The following CHCHD5 variants were observed in gnomAD, a reference collection of about 807,000 sequenced individuals.
CHCHD5 encodes the protein coiled-coil-helix-coiled-coil-helix domain-containing protein 5.
A neutral mutation model predicts 16.0 loss-of-function variants in CHCHD5; 10 were observed. The ratio of observed to expected loss-of-function variants is 0.63; its 90% CI spans 0.39 to 1.06. CHCHD5 has a LOEUF of 1.06. Ranked by LOEUF, CHCHD5 falls within the 50% of genes least tolerant of loss-of-function variation. The pLI is 0.01. For synonymous variants in CHCHD5, 55 were observed against 56.3 expected, an observed-to-expected ratio of 0.98 and a Z score of 0.10; for missense variants, 163 against 153.4, an observed-to-expected ratio of 1.06 and a Z score of -0.33.
intron 2 of CHCHD5, 31 bp from the exon 3 acceptor site, chr2:112,586,169 T>G (rs1292710347): frequency 1.2e-6 from 2 of 1,609,224 alleles, no homozygotes; most frequent in Middle Eastern, 1.7e-4. Context: ...GGTGGGAATC[T>G]CCCAGGGGCT....
chr2:112,586,977 G>A (rs1049832764), intron 3 of CHCHD5: 2 of 166,986 alleles, frequency 1.2e-5, no homozygotes, highest in African/African-American at 4.8e-5. Flanking sequence ...CTTGAGGAGA[G>A]GCAGTAACGG....
intron 3 of CHCHD5, chr2:112,586,821 A>C: frequency 4.4e-6 from 2 of 457,982 alleles, no homozygotes; most frequent in Non-Finnish European, 7.7e-6. Flanking sequence ...ACTACTCCTC[A>C]TCTGCAACTG....
At chr2:112,588,578 G>A (rs1574153286) in intron 3 of CHCHD5, 2 of 436,716 alleles carry the variant, frequency 4.6e-6, no homozygotes, top group East Asian at 8.4e-5. Context: ...GAATTTCTTG[G>A]ATGTTGACAT....
intron 3 of CHCHD5, chr2:112,586,623 T>A: frequency 6.8e-7 from 1 of 1,474,482 alleles, no homozygotes; most frequent in South Asian, 1.4e-5. Context: ...CCCTCTTTTC[T>A]TGCCTCCATA....
At position 112,586,126 on chromosome 2, in the gene CHCHD5, C is replaced by T. The variant is rs1685209217; in HGVS notation, c.143+12C>T. ...TGCACATCCTCCCAGTGAGTGCGGG[C>T]AAGTATGAGACAGTGTGGGGGGTGG... On this transcript the variant is annotated intron_variant, in intron 2 of 3. Coordinates refer to ENST00000324913, the MANE Select transcript of CHCHD5 (RefSeq NM_032309.4). The T allele has an allele frequency of 1.1e-5, 12 of 1,060,010 alleles. No homozygotes were observed. Among genetic ancestry groups the T allele is most frequent in the African/African-American group, 1.6e-5 (1 of 62,114 alleles). 65.7% of individuals were successfully genotyped at this position (1,060,010 alleles called of 1,614,324 possible).
At chr2:112,587,624 G>A (rs1329409669) in intron 3 of CHCHD5, 1 of 152,218 alleles carries the variant, frequency 6.6e-6, no homozygotes, top group Non-Finnish European at 1.5e-5. Flanking sequence ...TGTGTCAAGG[G>A]AGCTCTTGGC....
Position 112,586,320 on chromosome 2 carries a change from G to A in CHCHD5, c.264G>A (p.Gln88=). The A allele has an allele frequency of 6.2e-7, 1 of 1,614,276 alleles. No individual in the cohort carries two copies. The highest frequency in any genetic ancestry group is 8.5e-7 in the Non-Finnish European group (1 of 1,180,058). ...NCAEHMRRFL[Q]CAEQVQPPRS... The stretch of plus-strand genomic sequence containing the variant: ...CAGAGCATATGCGCCGCTTCCTGCA[G>A]TGCGCTGAGCAGGTGCAGCCGCCAC... Residue 88 remains glutamine, a synonymous_variant, in exon 3 of 4, where the codon CAG becomes CAA. Transcript: ENST00000324913.
At chr2:112,588,600 G>A (rs546457212) in intron 3 of CHCHD5, 102 of 473,800 alleles carry the variant, frequency 2.2e-4, no homozygotes, top group African/African-American at 1.9e-3. Flanking sequence ...TTTATTGTCC[G>A]TCTCTCCCTG....
chr2:112,586,225 G>T lies in CHCHD5; in HGVS notation c.169G>T (p.Ala57Ser). 2 of 1,612,466 alleles carry T rather than the reference G, an allele frequency of 1.2e-6. No homozygotes were observed. The highest frequency in any genetic ancestry group is 2.2e-5 in the East Asian group (1 of 44,814). The change falls in exon 3 of 4, where the codon GCC (alanine) becomes TCC (serine). Residue 57 changes from alanine (A) to serine (S), a missense_variant. Transcript: ENST00000324913. The part of the protein sequence containing the change: ...SHPIIRQIRQ[A>S]CAQPFEAFEE... ...CCCAATCATCCGCCAGATCCGCCAG[G>T]CCTGTGCTCAGCCTTTTGAGGCCTT...
Position 112,588,751 on chromosome 2 carries a change from C to T in CHCHD5, c.310-115C>T, listed in dbSNP as rs1255392846. ...TCAGGGCCAAGGTCATTGCCCAACA[C>T]CCTTCTCCCTCCAGACTGTGGGCTC... On this transcript the variant is annotated intron_variant, in intron 3 of 3. Transcript: ENST00000324913. 4 of 815,796 alleles carry T rather than the reference C, an allele frequency of 4.9e-6. No homozygotes were observed. The African/African-American group carries it at 6.6e-5, about 13-fold the overall frequency. The allele number at this position is 815,796 out of a possible 1,614,324, so 50.5% of individuals were successfully genotyped here.
At chr2:112,588,704 A>G (rs1185706771) in intron 3 of CHCHD5, 162 bp from the exon 4 acceptor site, 1 of 593,018 alleles carries the variant, frequency 1.7e-6, no homozygotes, top group East Asian at 3.0e-5. Flanking sequence ...ACACTTCACC[A>G]CAGCTGACTT....
intron 3 of CHCHD5, chr2:112,587,857 A>G (rs1167958375): frequency 2.6e-5 from 4 of 152,216 alleles, no homozygotes; most frequent in African/African-American, 7.2e-5. Context: ...GCATCTGAAC[A>G]GTAAAGACCC....
chr2:112,586,651 A>G, intron 3 of CHCHD5: 1 of 1,431,190 alleles, frequency 7.0e-7, no homozygotes, highest in Non-Finnish European at 9.2e-7. Flanking sequence ...CTGGGTGAGC[A>G]TGTAAGGACT....
At chr2:112,584,604 G>A (rs1334377874), upstream of CHCHD5, 10 of 1,611,824 alleles carry the variant, frequency 6.2e-6, no homozygotes, top group Middle Eastern at 1.7e-4. Context: ...CGGAAAAGGC[G>A]GGTCGTTCCC....
chr2:112,585,862 C>T lies in CHCHD5; in HGVS notation c.3-112C>T, dbSNP rs1459660941. The T allele has an allele frequency of 1.3e-5, 16 of 1,224,802 alleles. No homozygotes were observed. In the East Asian group the frequency reaches 4.1e-4, roughly 31 times the overall value. 75.9% of individuals were successfully genotyped at this position (1,224,802 alleles called of 1,614,324 possible). A position where few individuals can be genotyped will look rare whatever the true frequency, so the allele number is the denominator to read the frequency against. The stretch of plus-strand genomic sequence containing the variant: ...ACAGTGAGCTATGATCGTGCCACTG[C>T]ACTCCAGCCTGGGCCACAGTGAGAC... On this transcript the variant is annotated intron_variant, in intron 1 of 3. Coordinates refer to ENST00000324913, the MANE Select transcript of CHCHD5 (RefSeq NM_032309.4).
At chr2:112,588,327 CTCA>C (rs1685285480) in intron 3 of CHCHD5, 1 of 152,462 alleles carries the variant, frequency 6.6e-6, no homozygotes, top group Non-Finnish European at 1.5e-5. Context: ...GTCACATCTC[CTCA>C]TCATCCCCTC....
At chr2:112,586,136 A>G (rs1685209577) in intron 2 of CHCHD5, 22 bp downstream of exon 2, 1 of 1,611,482 alleles carries the variant, frequency 6.2e-7, no homozygotes, top group South Asian at 1.1e-5. Context: ...CAAGTATGAG[A>G]CAGTGTGGGG....
rs573555238 is a variant in CHCHD5 at position 112,586,272 on chromosome 2, C to A, written c.216C>A (p.Asn72Lys). The change falls in exon 3 of 4, where the codon AAC (asparagine) becomes AAA (lysine). Residue 72 changes from asparagine to lysine, a missense_variant. By Grantham distance (94) the Asn-to-Lys change is moderately conservative. Coordinates refer to ENST00000324913, the MANE Select transcript of CHCHD5 (RefSeq NM_032309.4). ...CCTTCGAGGAGTGTCTTCGACAGAACGAGGCAGCTGTGGGCAACTGTGCAG... is the reference window on the plus strand; with the variant it reads ...CCTTCGAGGAGTGTCTTCGACAGAAAGAGGCAGCTGTGGGCAACTGTGCAG... The part of the protein sequence containing the change: ...FEAFEECLRQ[N>K]EAAVGNCAEH... 1 of 1,614,190 alleles carries A rather than the reference C, an allele frequency of 6.2e-7. No individual in the cohort carries two copies.
At position 112,586,343 on chromosome 2, in the gene CHCHD5, C is replaced by T. The variant is rs759710950; in HGVS notation, c.287C>T (p.Pro96Leu). Residue 96 changes from proline (P) to leucine (L), a missense_variant, in exon 3 of 4, where the codon CCA (proline) becomes CTA (leucine). Coordinates refer to ENST00000324913, the MANE Select transcript of CHCHD5 (RefSeq NM_032309.4). ...FLQCAEQVQP[P>L]RSPATVEAQP... ...CAGTGCGCTGAGCAGGTGCAGCCGC[C>T]ACGCTCACCTGCAACTGTGGAGGTA... The T allele has an allele frequency of 6.2e-7, 1 of 1,614,278 alleles. No homozygotes were observed. The highest frequency in any genetic ancestry group is 8.5e-7 in the Non-Finnish European group (1 of 1,180,050).
Sources: allele counts gnomAD v4.1 joint callset, GRCh38; gene constraint gnomAD v4.1.1; transcripts MANE v1.5; gene names NCBI Gene and HGNC (gene_info 2026-07-23, HGNC 2026-07-21).